Variants in PRKCH observed in about 807,000 individuals in gnomAD.
PRKCH encodes protein kinase C eta.
A neutral mutation model predicts 82.5 loss-of-function variants in PRKCH; 28 were observed. The observed-to-expected ratio is 0.34, with a 90% confidence interval of 0.25 to 0.47. PRKCH has a LOEUF of 0.47. Ranked by LOEUF, PRKCH falls within the 20% of genes least tolerant of loss-of-function variation. The probability of loss-of-function intolerance (pLI) is 1.00; values close to 1 mark genes in which losing one functional copy is unlikely to be tolerated. For missense variants in PRKCH, 705 were observed against 881.8 expected, an observed-to-expected ratio of 0.80 and a Z score of 2.54; for synonymous variants, 322 against 327.4, an observed-to-expected ratio of 0.98 and a Z score of 0.18.
At chr14:61,304,026 A>T (rs1316446645) in intron 1 of PRKCH, 2 of 152,058 alleles carry the variant, frequency 1.3e-5, no homozygotes, top group Non-Finnish European at 2.9e-5. Flanking sequence ...AATTAATTTA[A>T]GTTTAAATTT....
intron 9 of PRKCH, among the ~76,000 whole-genome samples, chr14:61,464,138 C>G (rs187532131): frequency 6.9e-4 from 105 of 152,286 alleles, no homozygotes; most frequent in Admixed American, 2.0e-3. Flanking sequence ...TTTGAGGAGC[C>G]TCCATACCGT....
At chr14:61,238,459 G>C (rs891638163) in intron 1 of PRKCH, among the ~76,000 whole-genome samples, 4 of 151,964 alleles carry the variant, frequency 2.6e-5, no homozygotes, top group African/African-American at 9.7e-5. Context: ...TCCAAACTAG[G>C]GTAAATTCAG....
At chr14:61,204,802 G>A (rs1010352122) in intron 1 of PRKCH, among the ~76,000 whole-genome samples, 1 of 150,648 alleles carries the variant, frequency 6.6e-6, no homozygotes, top group African/African-American at 2.4e-5. Flanking sequence ...TAGAGGTATA[G>A]GGCATTCTAT....
chr14:61,375,291 A>G (rs1328646163), intron 1 of PRKCH, among the ~76,000 whole-genome samples: 2 of 152,044 alleles, frequency 1.3e-5, no homozygotes, highest in South Asian at 2.1e-4. Flanking sequence ...GGTCTCAACC[A>G]TTGAACAAAT....
chr14:61,375,415 T>A (rs921046319), intron 1 of PRKCH, among the ~76,000 whole-genome samples: 1 of 152,062 alleles, frequency 6.6e-6, no homozygotes, highest in Non-Finnish European at 1.5e-5. Context: ...CAGATATCTT[T>A]ATAGCAGTAC....
chr14:61,326,387 A>G (rs2045697018), intron 1 of PRKCH, among the ~76,000 whole-genome samples: 1 of 152,274 alleles, frequency 6.6e-6, no homozygotes, highest in African/African-American at 2.4e-5. Context: ...AAAGGAGTCT[A>G]TAGTGACAGG....
chr14:61,415,036 C>T (rs1003321849), intron 2 of PRKCH, among the ~76,000 whole-genome samples: 61 of 152,220 alleles, frequency 4.0e-4, no homozygotes, highest in African/African-American at 1.4e-3. Flanking sequence ...CCCATTTTTC[C>T]TGTGAGCCCT....
intron 9 of PRKCH, among the ~76,000 whole-genome samples, chr14:61,474,681 T>C (rs1885652133): frequency 6.6e-6 from 1 of 152,238 alleles, no homozygotes; most frequent in Non-Finnish European, 1.5e-5. Flanking sequence ...GTTGTGCACA[T>C]GTACCCTAGA....
chr14:61,519,174 T>C (rs991854897), intron 10 of PRKCH, among the ~76,000 whole-genome samples: 1 of 152,058 alleles, frequency 6.6e-6, no homozygotes, highest in Non-Finnish European at 1.5e-5. Flanking sequence ...TGCCAACTAC[T>C]TGGAGGCCGA....
chr14:61,431,151 T>A (rs1270017088), intron 2 of PRKCH, among the ~76,000 whole-genome samples: 1 of 146,622 alleles, frequency 6.8e-6, no homozygotes, highest in Non-Finnish European at 1.5e-5. Flanking sequence ...GTGTATGACC[T>A]TCCTCTAGGA....
At chr14:61,210,107 AACAAATATATATATAT>A (rs2044558775) in intron 1 of PRKCH, among the ~76,000 whole-genome samples, 2 of 107,764 alleles carry the variant, frequency 1.9e-5, no homozygotes, top group Admixed American at 9.7e-5. Flanking sequence ...CAAACAAACA[AACAAATATATATATAT>A]ATATATATAT....
At chr14:61,438,003 G>C (rs537522580) in intron 2 of PRKCH, among the ~76,000 whole-genome samples, 1 of 152,120 alleles carries the variant, frequency 6.6e-6, no homozygotes, top group South Asian at 2.1e-4. Context: ...GTTACACTAG[G>C]TAAGTTACTA....
intron 1 of PRKCH, among the ~76,000 whole-genome samples, chr14:61,330,728 A>AC (rs1387406264): frequency 6.6e-6 from 1 of 152,158 alleles, no homozygotes; most frequent in African/African-American, 2.4e-5. Context: ...CTGTTATGAA[A>AC]CCAACTCTCT....
intron 1 of PRKCH, among the ~76,000 whole-genome samples, chr14:61,312,867 T>A (rs1456628443): frequency 6.6e-6 from 1 of 151,926 alleles, no homozygotes; most frequent in Non-Finnish European, 1.5e-5. Context: ...ACCATATCAC[T>A]CTCCCCCCGC....
At chr14:61,457,481 GCT>G (rs1884828706) in intron 8 of PRKCH, 23 bp from the exon 9 acceptor site, 2 of 1,610,980 alleles carry the variant, frequency 1.2e-6, no homozygotes, top group Admixed American at 3.3e-5. Flanking sequence ...ACTCCCTCAT[GCT>G]CCCTCCTTTT....
intron 1 of PRKCH, among the ~76,000 whole-genome samples, chr14:61,309,163 G>A (rs990931451): frequency 2.6e-5 from 4 of 152,056 alleles, no homozygotes; most frequent in African/African-American, 9.7e-5. Context: ...CAAGCCTGTA[G>A]TTTCAGCTAT....
intron 9 of PRKCH, among the ~76,000 whole-genome samples, chr14:61,462,885 G>A (rs1488264935): frequency 2.0e-5 from 3 of 152,214 alleles, no homozygotes; most frequent in African/African-American, 7.2e-5. Flanking sequence ...GCAGTAACTA[G>A]CCGAGGATCC....
Position 61,411,882 on chromosome 14 carries a change from G to A in PRKCH, c.427+20594G>A, listed in dbSNP as rs117425654. On this transcript the variant is annotated intron_variant, in intron 2 of 13. Transcript: ENST00000332981. ...AGATAACTGTTTCTGGTGCTCACAC[G>A]GGGCCAGAAATAGTGCTTCTGCCAC... 2.2e-4 allele frequency among the ~76,000 whole-genome samples: 34 copies of A among 152,254 alleles called. No individual in the cohort carries two copies. The East Asian group carries it at 6.2e-3, about 28-fold the overall frequency.
chr14:61,356,116 T>A lies in PRKCH; in HGVS notation c.363+33652T>A, dbSNP rs115059744. Among the ~76,000 whole-genome samples the A allele has an allele frequency of 4.5e-3, 682 of 152,218 alleles. 7 individuals carry two copies. The highest frequency in any genetic ancestry group is 0.016 in the African/African-American group (655 of 41,526). On this transcript the variant is annotated intron_variant, in intron 1 of 13. Transcript: ENST00000332981. Reference sequence around the variant, plus strand: ...CGCTTGGCATTCTTTCATGGAAAGATGACAACTCATCCAGGGTGAAAGAGG... The same window carrying A: ...CGCTTGGCATTCTTTCATGGAAAGAAGACAACTCATCCAGGGTGAAAGAGG...
Sources: allele counts gnomAD v4.1 joint callset (sites outside exome capture counted in the v4.1 genomes callset), GRCh38; gene constraint gnomAD v4.1.1; transcripts MANE v1.5; gene names NCBI Gene and HGNC (gene_info 2026-07-23, HGNC 2026-07-21).